VSTM4: variants seen among roughly 807,000 people sequenced by gnomAD.
The protein encoded by VSTM4 is V-set and transmembrane domain-containing protein 4.
VSTM4 carries 20 observed loss-of-function variants against 36.4 expected under a neutral mutation model. The ratio of observed to expected loss-of-function variants is 0.55; its 90% confidence interval spans 0.39 to 0.80. The LOEUF is 0.80. Ranked by LOEUF, VSTM4 falls within the 30% of genes least tolerant of loss-of-function variation. The pLI is 0.00. For synonymous variants in VSTM4, 182 were observed against 173.9 expected, an observed-to-expected ratio of 1.05 and a Z score of -0.37; for missense variants, 392 against 404.5, an observed-to-expected ratio of 0.97 and a Z score of 0.26.
intron 5 of VSTM4, among the ~76,000 whole-genome samples, chr10:49,060,542 T>C (rs1367489154): frequency 6.6e-6 from 1 of 152,224 alleles, no homozygotes; most frequent in Non-Finnish European, 1.5e-5. Context: ...CCATTTTTAA[T>C]TGTGTTATCT....
intron 2 of VSTM4, chr10:49,103,876 A>G: frequency 2.5e-6 from 4 of 1,611,662 alleles, no homozygotes; most frequent in South Asian, 1.1e-5. Context: ...GAAAGGAGGG[A>G]GGTGACATGA....
At chr10:49,077,539 A>G (rs923183989) in intron 3 of VSTM4, among the ~76,000 whole-genome samples, 1 of 152,240 alleles carries the variant, frequency 6.6e-6, no homozygotes, top group Non-Finnish European at 1.5e-5. Context: ...GATTTTTGAC[A>G]AAAGTGCAAA....
chr10:49,107,675 C>A lies in VSTM4; in HGVS notation c.376G>T (p.Val126Phe), dbSNP rs145294709. The A allele has an allele frequency of 1.9e-6, 3 of 1,614,088 alleles. No homozygotes were observed. Among genetic ancestry groups the A allele is most frequent in the Non-Finnish European group, 2.5e-6 (3 of 1,180,048 alleles). ...TLQPSDQGHY[V>F]CRVQEISRHR... is the part of the protein sequence containing the mutation. ...CTGCTGATTTCCTGGACTCTGCAGA[C>A]GTAATGCCCTTGATCGGAGGGCTGC... Residue 126 changes from valine to phenylalanine, a missense_variant, in exon 2 of 8, where the codon GTC becomes TTC. By Grantham distance (50) the Val-to-Phe change is conservative. Transcript: ENST00000332853.
chr10:49,063,025 CTT>C (rs141666556), intron 5 of VSTM4, among the ~76,000 whole-genome samples: 45 of 138,848 alleles, frequency 3.2e-4, no homozygotes, highest in African/African-American at 9.8e-4. Flanking sequence ...ATGATTGAAT[CTT>C]TTTTTTTTTT....
At chr10:49,093,234 T>C (rs1041967296) in intron 2 of VSTM4, among the ~76,000 whole-genome samples, 2 of 152,078 alleles carry the variant, frequency 1.3e-5, no homozygotes, top group African/African-American at 4.8e-5. Flanking sequence ...TCAGGAGTTA[T>C]AAACATTCAC....
At chr10:49,057,918 A>C (rs1450830341) in intron 5 of VSTM4, among the ~76,000 whole-genome samples, 1 of 152,212 alleles carries the variant, frequency 6.6e-6, no homozygotes, top group African/African-American at 2.4e-5. Flanking sequence ...ACTCAGGAGG[A>C]GAATGACCTG....
In VSTM4 at chr10:49,018,239, G is replaced by T. The variant is rs1843130522; in HGVS notation, c.*1411C>A. ...AATTTTCATTTTGAAAATGCAGACT[G>T]GCTTTAGCATGAATGTCAACACAGA... On this transcript the variant is annotated 3_prime_UTR_variant, in exon 8 of 8. Transcript: ENST00000332853. 6.6e-6 allele frequency: 1 copy of T among 152,204 alleles called. No homozygotes were observed. Among genetic ancestry groups the T allele is most frequent in the Non-Finnish European group, 1.5e-5 (1 of 68,040 alleles). 9.4% of individuals were successfully genotyped at this position (152,204 alleles called of 1,614,324 possible). A position where few individuals can be genotyped will look rare whatever the true frequency, so the allele number is the denominator to read the frequency against.
intron 5 of VSTM4, among the ~76,000 whole-genome samples, chr10:49,051,390 C>CTTTTTTTTTTTTTTTTTTTTTTTTTT (rs796786621): frequency 7.6e-6 from 1 of 130,804 alleles, no homozygotes. Context: ...CAGCTCATTT[C>CTTTTTTTTTTTTTTTTTTTTTTTTTT]TTTTTTTTTT....
rs543758725 is a variant in VSTM4 at position 49,034,013 on chromosome 10, TCAC to T, written c.837+12967_837+12969del. Among the ~76,000 whole-genome samples the T allele has an allele frequency of 3.9e-5, 6 of 152,032 alleles. No homozygotes were observed. In the South Asian group the frequency reaches 1.3e-3, roughly 32 times the overall value. The stretch of plus-strand genomic sequence containing the variant: ...ACCATCATCACCATTACCATCATCA[TCAC>T]CATTATTACCAACACCATCATCATC... On this transcript the variant is annotated intron_variant, in intron 7 of 7. Coordinates refer to ENST00000332853, the MANE Select transcript of VSTM4 (RefSeq NM_001031746.5).
Position 49,037,392 on chromosome 10 carries a change from C to T in VSTM4, c.837+9591G>A, listed in dbSNP as rs141729735. Among the ~76,000 whole-genome samples, 16 of 152,362 alleles carry T rather than the reference C, an allele frequency of 1.1e-4. No individual in the cohort carries two copies. The East Asian group carries it at 3.1e-3, about 29-fold the overall frequency. Reference sequence around the variant, plus strand: ...GTCTGAGTCAGGGCCGGAGATTCTACTTTTCCAACAAGCTCCCAGGCAGTG... The same window carrying T: ...GTCTGAGTCAGGGCCGGAGATTCTATTTTTCCAACAAGCTCCCAGGCAGTG... On this transcript the variant is annotated intron_variant, in intron 7 of 7. Transcript: ENST00000332853.
chr10:49,034,725 T>A (rs915185521), intron 7 of VSTM4, among the ~76,000 whole-genome samples: 9 of 152,166 alleles, frequency 5.9e-5, no homozygotes, highest in African/African-American at 1.4e-4. Context: ...CTTTATTATT[T>A]TTTTTTGAGA....
At chr10:49,115,295 G>C (rs1208038550) in intron 1 of VSTM4, 136 bp downstream of exon 1, 1 of 519,672 alleles carries the variant, frequency 1.9e-6, no homozygotes, top group Non-Finnish European at 2.5e-6. Context: ...GAGCGCGCTG[G>C]CGACAGTGAC....
At chr10:49,078,198 A>C (rs1339694666) in intron 3 of VSTM4, among the ~76,000 whole-genome samples, 6 of 152,234 alleles carry the variant, frequency 3.9e-5, no homozygotes, top group African/African-American at 1.4e-4. Flanking sequence ...TGGGTCACTC[A>C]GACGTGGCTG....
chr10:49,077,268 G>T lies in VSTM4; in HGVS notation c.585C>A (p.Phe195Leu), dbSNP rs1051222083. ...CCVGILSILLFMLVIVWQSVF... is the reference protein window; with the variant it reads ...CCVGILSILLLMLVIVWQSVF... ...CAGACTGCCAGACGATGACCAGCATGAAGAGCAGAATGCTGAGGATCCCCA... is the reference window on the plus strand; with the variant it reads ...CAGACTGCCAGACGATGACCAGCATTAAGAGCAGAATGCTGAGGATCCCCA... The change falls in exon 4 of 8, where the codon TTC (phenylalanine) becomes TTA (leucine). Residue 195 changes from phenylalanine (F) to leucine (L), a missense_variant. Phe to Leu is a conservative substitution (Grantham distance 22). Coordinates refer to ENST00000332853, the MANE Select transcript of VSTM4 (RefSeq NM_001031746.5). The T allele has an allele frequency of 1.2e-6, 2 of 1,614,096 alleles. No individual in the cohort carries two copies. The highest frequency in any genetic ancestry group is 2.7e-5 in the African/African-American group (2 of 74,936).
At chr10:49,045,007 C>A (rs1488291051) in intron 7 of VSTM4, among the ~76,000 whole-genome samples, 5 of 152,114 alleles carry the variant, frequency 3.3e-5, no homozygotes, top group African/African-American at 9.7e-5. Context: ...AAATGACAAT[C>A]CTATGCAGTT....
chr10:49,102,823 G>T, intron 2 of VSTM4: 1 of 856,932 alleles, frequency 1.2e-6, no homozygotes, highest in Non-Finnish European at 1.4e-6. Flanking sequence ...ACTGTTGCAG[G>T]CATTCATTGT....
intron 7 of VSTM4, among the ~76,000 whole-genome samples, chr10:49,039,151 C>T (rs1186476567): frequency 6.6e-6 from 1 of 152,066 alleles, no homozygotes; most frequent in Non-Finnish European, 1.5e-5. Context: ...GGGGAGGAGG[C>T]CTCAAAAAGA....
chr10:49,087,692 C>A (rs1844392691), intron 2 of VSTM4, among the ~76,000 whole-genome samples: 1 of 152,082 alleles, frequency 6.6e-6, no homozygotes, highest in South Asian at 2.1e-4. Context: ...CTGCCAAAAA[C>A]TAACTCACCT....
intron 2 of VSTM4, among the ~76,000 whole-genome samples, chr10:49,105,010 CAGAG>C (rs1358057450): frequency 1.0e-4 from 4 of 39,748 alleles, no homozygotes; most frequent in Non-Finnish European, 2.8e-4. Context: ...GAGAGAGAGA[CAGAG>C]AGATACAGAG....
Sources: gnomAD v4.1 joint callset for allele counts (sites outside exome capture counted in the v4.1 genomes callset) on GRCh38, gnomAD v4.1.1 for gene constraint, MANE v1.5 for transcripts, NCBI Gene and HGNC (gene_info 2026-07-23, HGNC 2026-07-21) for gene names.